FAM135B: variants seen among roughly 807,000 people sequenced by gnomAD.
FAM135B encodes the protein protein FAM135B.
A neutral mutation model predicts 127.7 loss-of-function variants in FAM135B; 43 were observed. The observed-to-expected ratio is 0.34, with a 90% CI of 0.26 to 0.43. The LOEUF (loss-of-function observed/expected upper bound fraction) is 0.43. Among genes scored for constraint, FAM135B ranks in the 20% least tolerant of loss-of-function variants. The probability of loss-of-function intolerance (pLI) is 1.00; values close to 1 mark genes in which losing one functional copy is unlikely to be tolerated. For synonymous variants in FAM135B, 670 were observed against 665.1 expected (o/e 1.01, Z -0.11); for missense variants, 1,558 against 1,725.6 (o/e 0.90, Z 1.72).
In FAM135B at chr8:138,243,470, C is replaced by T. The variant is rs1471247804; in HGVS notation, c.543-402G>A. The stretch of plus-strand genomic sequence containing the variant: ...TCCCTGCTCCTTCCACCAACTCCTC[C>T]CTCCCTGGACCTCTTTTCTTCTGTG... On this transcript the variant is annotated intron_variant, in intron 6 of 19. Coordinates refer to ENST00000395297, the MANE Select transcript of FAM135B (RefSeq NM_015912.4). The surrounding 1 kb of genome is among the most constrained non-coding windows in gnomAD (Gnocchi z 7.5). Among the ~76,000 whole-genome samples the T allele has an allele frequency of 2.0e-5, 3 of 152,168 alleles. No homozygotes were observed. Among genetic ancestry groups the T allele is most frequent in the Non-Finnish European group, 4.4e-5 (3 of 68,040 alleles).
chr8:138,312,797 C>G (rs1453498966), intron 2 of FAM135B, among the ~76,000 whole-genome samples: 3 of 152,188 alleles, frequency 2.0e-5, no homozygotes, highest in African/African-American at 7.2e-5. Flanking sequence ...CCATCCCTAA[C>G]AGATGGCAAA....
chr8:138,404,769 G>T (rs1469183445), intron 1 of FAM135B, among the ~76,000 whole-genome samples: 1 of 152,144 alleles, frequency 6.6e-6, no homozygotes, highest in Non-Finnish European at 1.5e-5. Context: ...TAGCAGTTCA[G>T]TCACATCTTC....
intron 1 of FAM135B, among the ~76,000 whole-genome samples, chr8:138,426,011 A>ATATG (rs1834846113): frequency 1.1e-4 from 2 of 17,592 alleles, no homozygotes; most frequent in South Asian, 1.4e-3. Context: ...ATATATATAT[A>ATATG]TACACACACA....
chr8:138,258,543 C>A (rs182751445), intron 4 of FAM135B, among the ~76,000 whole-genome samples: 1 of 152,104 alleles, frequency 6.6e-6, no homozygotes, highest in South Asian at 2.1e-4. Flanking sequence ...TTCCCAACTA[C>A]CTTCTGAGCA....
intron 3 of FAM135B, among the ~76,000 whole-genome samples, chr8:138,302,268 A>G (rs1351902956): frequency 1.3e-5 from 2 of 151,898 alleles, no homozygotes; most frequent in African/African-American, 2.4e-5. Context: ...TGTAAGTGGT[A>G]CTCTAGAGAC....
chr8:138,431,429 G>A (rs1835182626), intron 1 of FAM135B, among the ~76,000 whole-genome samples: 1 of 152,162 alleles, frequency 6.6e-6, no homozygotes, highest in Non-Finnish European at 1.5e-5. Flanking sequence ...TGATTCAAAT[G>A]GCTTAAACCA....
chr8:138,141,675 G>A lies in FAM135B; in HGVS notation c.3639-326C>T, dbSNP rs1817162804. ...GGTCCTTCCTGAAATGCACCTCTGA[G>A]CATTGAAATCTCCTGGTCATTCACA... On this transcript the variant is annotated intron_variant, in intron 16 of 19. Coordinates refer to ENST00000395297, the MANE Select transcript of FAM135B (RefSeq NM_015912.4). The surrounding 1 kb of genome is among the most constrained non-coding windows in gnomAD (Gnocchi z 4.7). Among the ~76,000 whole-genome samples the A allele has an allele frequency of 6.6e-6, 1 of 152,170 alleles. No individual in the cohort carries two copies.
chr8:138,148,744 A>G (rs1325298001), intron 13 of FAM135B, 58 bp from the exon 14 acceptor site: 1 of 1,373,880 alleles, frequency 7.3e-7, no homozygotes, highest in African/African-American at 1.4e-5. Flanking sequence ...TGAACAGGAA[A>G]TGAGCTGGGC....
chr8:138,320,601 C>A (rs1033099748), intron 2 of FAM135B, among the ~76,000 whole-genome samples: 7 of 152,290 alleles, frequency 4.6e-5, no homozygotes, highest in African/African-American at 1.7e-4. Context: ...CCTTAGAGGT[C>A]TCACAGCTGT....
intron 9 of FAM135B, among the ~76,000 whole-genome samples, chr8:138,181,590 T>TC (rs1815042080): frequency 6.6e-6 from 1 of 152,066 alleles, no homozygotes; most frequent in South Asian, 2.1e-4. Flanking sequence ...CTGCGCACCT[T>TC]CCCCCGTCAC....
intron 7 of FAM135B, among the ~76,000 whole-genome samples, chr8:138,199,722 A>C (rs7009263): frequency 0.74 from 113,018 of 152,124 alleles, 42,385 homozygotes; most frequent in East Asian, 0.82. Context: ...GCAGGCACAT[A>C]TTACATGGCA....
intron 1 of FAM135B, among the ~76,000 whole-genome samples, chr8:138,393,882 G>T (rs1832723521): frequency 1.3e-5 from 2 of 152,154 alleles, no homozygotes; most frequent in Admixed American, 6.5e-5. Context: ...CCCATATCTG[G>T]AACCCAGGCC....
rs1026380843 is a variant in FAM135B, at chr8:138,243,387, G to A, written c.543-319C>T. 6.6e-6 allele frequency among the ~76,000 whole-genome samples: 1 copy of A among 152,204 alleles called. No homozygotes were observed. The highest frequency in any genetic ancestry group is 1.5e-5 in the Non-Finnish European group (1 of 68,052). On this transcript the variant is annotated intron_variant, in intron 6 of 19. Transcript: ENST00000395297. The surrounding 1 kb of genome is among the most constrained non-coding windows in gnomAD (Gnocchi z 7.5). ...CAAGCTTATATCACTAGAGGGGAAG[G>A]TGGCATGGGCTCCGAAAATTTCAGG...
chr8:138,256,573 G>T, intron 5 of FAM135B, 116 bp downstream of exon 5: 1 of 814,620 alleles, frequency 1.2e-6, no homozygotes, highest in East Asian at 2.7e-5. Context: ...AGCTTATCAG[G>T]AGATGCTGAT....
At chr8:138,492,663 C>T (rs989774639) in intron 1 of FAM135B, among the ~76,000 whole-genome samples, 33 of 152,268 alleles carry the variant, frequency 2.2e-4, no homozygotes, top group African/African-American at 7.2e-4. Context: ...GTTCCTTTCT[C>T]TTCCTTGCTA....
At chr8:138,161,783 G>A (rs987171471) in intron 12 of FAM135B, among the ~76,000 whole-genome samples, 3 of 152,124 alleles carry the variant, frequency 2.0e-5, no homozygotes, top group Non-Finnish European at 4.4e-5. Flanking sequence ...ACGACCTACC[G>A]CAAGTTAGAC....
intron 1 of FAM135B, among the ~76,000 whole-genome samples, chr8:138,451,478 A>C (rs1200800599): frequency 6.6e-6 from 1 of 152,246 alleles, no homozygotes. Context: ...GTAGCTATAC[A>C]TGCTGAGTAC....
At chr8:138,226,052 C>T (rs1319030811) in intron 7 of FAM135B, among the ~76,000 whole-genome samples, 1 of 151,752 alleles carries the variant, frequency 6.6e-6, no homozygotes, top group Admixed American at 6.6e-5. Context: ...AGGTGGATAA[C>T]TTATTATTCT....
At chr8:138,203,833 GT>G (rs1261944626) in intron 7 of FAM135B, among the ~76,000 whole-genome samples, 3 of 152,140 alleles carry the variant, frequency 2.0e-5, no homozygotes, top group African/African-American at 7.2e-5. Flanking sequence ...CCCTGAGCTT[GT>G]TTTTCTGGAA....
Sources: allele counts gnomAD v4.1 joint callset (sites outside exome capture counted in the v4.1 genomes callset), GRCh38; gene constraint gnomAD v4.1.1; non-coding constraint Gnocchi (gnomAD v3.1); transcripts MANE v1.5; gene names NCBI Gene and HGNC (gene_info 2026-07-23, HGNC 2026-07-21).